SCRG1: variants seen among roughly 807,000 people sequenced by gnomAD.
SCRG1 encodes the protein stimulator of chondrogenesis 1.
A neutral mutation model predicts 7.7 loss-of-function variants in SCRG1; 3 were observed. The observed-to-expected ratio is 0.39, with a 90% CI of 0.18 to 1.01. The LOEUF (loss-of-function observed/expected upper bound fraction) is 1.01, where lower values mean the gene tolerates loss of function less well. Among genes scored for constraint, SCRG1 ranks in the 50% least tolerant of loss-of-function variants. The pLI is 0.36. For synonymous variants in SCRG1, 46 were observed against 41.2 expected, an observed-to-expected ratio of 1.12 and a Z score of -0.44; for missense variants, 110 against 117.2, an observed-to-expected ratio of 0.94 and a Z score of 0.28.
the SCRG1 span, among the ~76,000 whole-genome samples, chr4:173,487,236 A>G: frequency 1.3e-5 from 2 of 152,330 alleles, no homozygotes; most frequent in East Asian, 3.9e-4. Context: ...CATCTGGCAG[A>G]TGGCTGGATA....
the SCRG1 span, among the ~76,000 whole-genome samples, chr4:173,505,403 A>T: frequency 6.6e-6 from 1 of 152,108 alleles, no homozygotes; most frequent in South Asian, 2.1e-4. The surrounding 1 kb of genome is among the most constrained non-coding windows in gnomAD (Gnocchi z 4.4). Flanking sequence ...GGACATCAGT[A>T]CAAGATTCTT....
upstream of SCRG1, among the ~76,000 whole-genome samples, chr4:173,402,193 T>C (rs933936127): frequency 1.3e-5 from 2 of 152,202 alleles, no homozygotes; most frequent in Non-Finnish European, 2.9e-5. Flanking sequence ...CCAAATGTAA[T>C]GTACAGATTT....
the SCRG1 span, among the ~76,000 whole-genome samples, chr4:173,447,591 C>T: frequency 2.0e-5 from 3 of 152,214 alleles, no homozygotes; most frequent in African/African-American, 7.2e-5. Flanking sequence ...CAAACTACCA[C>T]ATTTCAAATT....
chr4:173,467,421 A>G, the SCRG1 span, among the ~76,000 whole-genome samples: 1 of 152,168 alleles, frequency 6.6e-6, no homozygotes, highest in Non-Finnish European at 1.5e-5. Flanking sequence ...ACACAGGCAA[A>G]GCAGTCATCC....
the SCRG1 span, among the ~76,000 whole-genome samples, chr4:173,518,775 G>A: frequency 6.6e-5 from 10 of 152,166 alleles, no homozygotes; most frequent in African/African-American, 2.2e-4. Context: ...GAGCAAAGAC[G>A]GATGGCTGGC....
intron 1 of SCRG1, among the ~76,000 whole-genome samples, chr4:173,393,933 T>C (rs189938152): frequency 3.3e-5 from 5 of 152,316 alleles, no homozygotes; most frequent in Admixed American, 1.3e-4. Flanking sequence ...AATAGTCCAC[T>C]CTGCTTTCTT....
the SCRG1 span, among the ~76,000 whole-genome samples, chr4:173,439,435 G>T: frequency 6.6e-6 from 1 of 151,614 alleles, no homozygotes; most frequent in Non-Finnish European, 1.5e-5. Context: ...AGATCACTTG[G>T]GCCTGAGAGG....
the SCRG1 span, among the ~76,000 whole-genome samples, chr4:173,432,403 C>G: frequency 3.4e-5 from 5 of 146,524 alleles, no homozygotes; most frequent in Non-Finnish European, 5.9e-5. Context: ...CCTTACTCCT[C>G]CTTCTCCTCC....
chr4:173,471,952 G>T, the SCRG1 span, among the ~76,000 whole-genome samples: 4 of 152,114 alleles, frequency 2.6e-5, no homozygotes, highest in African/African-American at 7.2e-5. Flanking sequence ...CAGGTGATCT[G>T]CCCACCTTGG....
chr4:173,496,324 G>GA, the SCRG1 span, among the ~76,000 whole-genome samples: 59 of 146,682 alleles, frequency 4.0e-4, 1 homozygote, highest in African/African-American at 6.5e-4. Context: ...GGGGTTCTTT[G>GA]AAAAAAAAAA....
chr4:173,390,783 C>T (rs1739413330), intron 2 of SCRG1, among the ~76,000 whole-genome samples: 1 of 152,164 alleles, frequency 6.6e-6, no homozygotes, highest in Admixed American at 6.5e-5. Context: ...GCCACCGGGC[C>T]CAGCCTCACT....
chr4:173,410,126 T>C (rs1740007993), upstream of SCRG1, among the ~76,000 whole-genome samples: 1 of 152,230 alleles, frequency 6.6e-6, no homozygotes, highest in Non-Finnish European at 1.5e-5. Context: ...AAGATAGCTC[T>C]GACTGAGGTC....
chr4:173,419,189 T>TC, the SCRG1 span: 21 of 360,488 alleles, frequency 5.8e-5, no homozygotes, highest in Admixed American at 8.5e-4. Flanking sequence ...ATCTTTTTTT[T>TC]CTGTTCATAA....
At chr4:173,501,579 T>TG in the SCRG1 span, among the ~76,000 whole-genome samples, 1 of 152,038 alleles carries the variant, frequency 6.6e-6, no homozygotes, top group Non-Finnish European at 1.5e-5. The surrounding 1 kb of genome is among the most constrained non-coding windows in gnomAD (Gnocchi z 5.1). Context: ...CAGGGTCGTT[T>TG]GGGGTGTCTG....
the SCRG1 span, among the ~76,000 whole-genome samples, chr4:173,414,168 C>A: frequency 6.6e-6 from 1 of 152,162 alleles, no homozygotes; most frequent in East Asian, 1.9e-4. Flanking sequence ...GAGGGTCAGA[C>A]CCCGGAACAC....
chr4:173,483,249 C>T, the SCRG1 span, among the ~76,000 whole-genome samples: 4 of 52,234 alleles, frequency 7.7e-5, no homozygotes, highest in African/African-American at 4.0e-4. Context: ...TATGATATAT[C>T]ATATATGATA....
At chr4:173,417,952 G>A in the SCRG1 span, among the ~76,000 whole-genome samples, 14 of 152,176 alleles carry the variant, frequency 9.2e-5, no homozygotes, top group African/African-American at 3.4e-4. Flanking sequence ...GAATAATTTG[G>A]TGGTGGCTTA....
At chr4:173,484,754 A>ATATAATACATATCATATATTATATG in the SCRG1 span, among the ~76,000 whole-genome samples, 1 of 33,666 alleles carries the variant, frequency 3.0e-5, no homozygotes, top group Non-Finnish European at 5.8e-5. Flanking sequence ...TATATTATAT[A>ATATAATACATATCATATATTATATG]CATATAATAC....
At position 173,388,243 on chromosome 4, in the gene SCRG1, C is replaced by G; in HGVS notation, c.*98G>C. 3.0e-6 allele frequency: 2 copies of G among 663,710 alleles called. No individual in the cohort carries two copies. The highest frequency in any genetic ancestry group is 2.5e-6 in the Non-Finnish European group (1 of 398,130). 41.1% of individuals were successfully genotyped at this position (663,710 alleles called of 1,614,324 possible). A position where few individuals can be genotyped will look rare whatever the true frequency, so the allele number is the denominator to read the frequency against. ...CAAGTAAGAATTTATAGAATCTATG[C>G]TCTATTGCACTATATAGAAACTAGA... On this transcript the variant is annotated 3_prime_UTR_variant, in exon 3 of 3. Transcript: ENST00000296506.
Sources: allele counts gnomAD v4.1 joint callset (sites outside exome capture counted in the v4.1 genomes callset), GRCh38; gene constraint gnomAD v4.1.1; non-coding constraint Gnocchi (gnomAD v3.1); transcripts MANE v1.5; gene names NCBI Gene and HGNC (gene_info 2026-07-23, HGNC 2026-07-21).